The following SDK1 variants were observed in gnomAD, a reference collection of about 807,000 sequenced individuals.
The protein encoded by SDK1 is sidekick cell adhesion molecule 1.
In SDK1, 157 loss-of-function variants were observed where a neutral mutation model predicts 245.5. That is an observed-to-expected ratio of 0.64 (90% CI 0.56 to 0.73). The LOEUF is 0.73. Among genes scored for constraint, SDK1 ranks in the 30% least tolerant of loss-of-function variants. The pLI, the probability that SDK1 is intolerant of heterozygous loss-of-function variation, is 0.00. For synonymous variants in SDK1, 1,647 were observed against 1,278.5 expected (o/e 1.29, Z -6.15); for missense variants, 3,583 against 3,002.3 (o/e 1.19, Z -4.52).
At chr7:4,110,440 G>A (rs557308528) in intron 22 of SDK1, among the ~76,000 whole-genome samples, 1 of 152,294 alleles carries the variant, frequency 6.6e-6, no homozygotes, top group South Asian at 2.1e-4. Flanking sequence ...GTTCTTGACT[G>A]TGAGCTTTTG....
At chr7:3,579,537 G>T (rs772925379) in intron 1 of SDK1, among the ~76,000 whole-genome samples, 29 of 152,156 alleles carry the variant, frequency 1.9e-4, no homozygotes, top group Non-Finnish European at 3.5e-4. Flanking sequence ...AATAATAAGA[G>T]CCATCTATGA....
At chr7:4,046,773 T>C (rs1363487344) in intron 17 of SDK1, among the ~76,000 whole-genome samples, 3 of 152,158 alleles carry the variant, frequency 2.0e-5, no homozygotes, top group Non-Finnish European at 2.9e-5. Flanking sequence ...CTTTTCCATA[T>C]AGATTTTAGA....
At chr7:3,649,660 C>A (rs370763789) in intron 4 of SDK1, among the ~76,000 whole-genome samples, 1 of 152,110 alleles carries the variant, frequency 6.6e-6, no homozygotes, top group Non-Finnish European at 1.5e-5. Flanking sequence ...TTAATCTTCA[C>A]GGCAGCCCAG....
At chr7:3,865,087 C>T (rs890073190) in intron 5 of SDK1, among the ~76,000 whole-genome samples, 1 of 152,150 alleles carries the variant, frequency 6.6e-6, no homozygotes, top group Non-Finnish European at 1.5e-5. Flanking sequence ...CCCTCCAGCA[C>T]GTTTTACTGA....
At chr7:4,197,066 C>T (rs1051090664) in intron 35 of SDK1, among the ~76,000 whole-genome samples, 3 of 152,304 alleles carry the variant, frequency 2.0e-5, no homozygotes, top group Middle Eastern at 3.4e-3. Context: ...ATCTGCTGTG[C>T]AATCCACACG....
intron 40 of SDK1, among the ~76,000 whole-genome samples, chr7:4,230,702 A>G (rs557975622): frequency 3.4e-4 from 51 of 152,018 alleles, no homozygotes; most frequent in Non-Finnish European, 6.5e-4. Context: ...GGATGGTTAC[A>G]TGGATGGATG....
intron 1 of SDK1, among the ~76,000 whole-genome samples, chr7:3,562,264 T>C (rs1447371191): frequency 1.3e-5 from 2 of 152,252 alleles, no homozygotes; most frequent in African/African-American, 2.4e-5. Context: ...CATCATCAGC[T>C]TTGATCCCTA....
At chr7:3,896,770 T>C (rs548564260) in intron 5 of SDK1, among the ~76,000 whole-genome samples, 1 of 152,352 alleles carries the variant, frequency 6.6e-6, no homozygotes, top group Non-Finnish European at 1.5e-5. Flanking sequence ...TTCCTGTTAC[T>C]GTATCATGGC....
At chr7:3,313,001 G>T (rs188759009) in intron 1 of SDK1, among the ~76,000 whole-genome samples, 1 of 152,290 alleles carries the variant, frequency 6.6e-6, no homozygotes, top group Non-Finnish European at 1.5e-5. Context: ...GTCTAGACTG[G>T]CAGGCATTTT....
intron 1 of SDK1, among the ~76,000 whole-genome samples, chr7:3,587,617 C>G (rs1435378093): frequency 6.6e-6 from 1 of 152,226 alleles, no homozygotes; most frequent in African/African-American, 2.4e-5. Flanking sequence ...TGGACGATCC[C>G]TACCTACATC....
chr7:3,988,864 T>C (rs982058651), intron 14 of SDK1, among the ~76,000 whole-genome samples: 14 of 152,216 alleles, frequency 9.2e-5, no homozygotes, highest in African/African-American at 3.1e-4. Context: ...CTCTGCCTCC[T>C]GGGTTCAAGC....
intron 1 of SDK1, among the ~76,000 whole-genome samples, chr7:3,505,655 A>G (rs913739747): frequency 2.0e-5 from 3 of 152,160 alleles, no homozygotes; most frequent in African/African-American, 7.2e-5. Context: ...GTCCACTTGT[A>G]TGCTGATTTT....
At chr7:3,941,895 C>A (rs1234499321) in intron 5 of SDK1, among the ~76,000 whole-genome samples, 16 of 148,810 alleles carry the variant, frequency 1.1e-4, no homozygotes, top group African/African-American at 3.5e-4. Flanking sequence ...TATATTTGGA[C>A]AAGACTTCAT....
At chr7:3,382,862 T>A (rs1257198796) in intron 1 of SDK1, among the ~76,000 whole-genome samples, 2 of 152,200 alleles carry the variant, frequency 1.3e-5, no homozygotes. Context: ...GGTTTTTAAT[T>A]CAGTAGATTT....
intron 40 of SDK1, 75 bp from the exon 41 acceptor site, chr7:4,233,180 A>T (rs535004608): frequency 3.4e-6 from 5 of 1,450,316 alleles, no homozygotes; most frequent in East Asian, 2.3e-5. Context: ...CCGACCCACC[A>T]GGCAGGTGCA....
intron 5 of SDK1, among the ~76,000 whole-genome samples, chr7:3,855,546 T>G (rs751335345): frequency 6.6e-6 from 1 of 151,950 alleles, no homozygotes; most frequent in Non-Finnish European, 1.5e-5. Context: ...AACAGAAGAC[T>G]AGGAGAAATA....
At chr7:3,332,477 T>G (rs1780092919) in intron 1 of SDK1, among the ~76,000 whole-genome samples, 1 of 152,224 alleles carries the variant, frequency 6.6e-6, no homozygotes, top group Non-Finnish European at 1.5e-5. Flanking sequence ...TTCACATTTC[T>G]CATAAGTAGT....
intron 5 of SDK1, among the ~76,000 whole-genome samples, chr7:3,914,805 G>C (rs1463427040): frequency 6.6e-6 from 1 of 152,090 alleles, no homozygotes; most frequent in African/African-American, 2.4e-5. Context: ...CAATTTGATC[G>C]GTCAATTTGC....
At chr7:3,946,649 G>A (rs1359676018) in intron 5 of SDK1, among the ~76,000 whole-genome samples, 1 of 152,146 alleles carries the variant, frequency 6.6e-6, no homozygotes, top group African/African-American at 2.4e-5. Flanking sequence ...CAAGAACTTT[G>A]AAGACTTACT....
Sources: allele counts gnomAD v4.1 joint callset (sites outside exome capture counted in the v4.1 genomes callset), GRCh38; gene constraint gnomAD v4.1.1; transcripts MANE v1.5; gene names NCBI Gene and HGNC (gene_info 2026-07-23, HGNC 2026-07-21).